The following EBF1 variants were observed in gnomAD, a reference collection of about 807,000 sequenced individuals.
EBF1 encodes transcription factor COE1.
EBF1 carries 10 observed loss-of-function variants against 68.4 expected under a neutral mutation model. The ratio of observed to expected loss-of-function variants is 0.15; its 90% confidence interval spans 0.09 to 0.25. The LOEUF (loss-of-function observed/expected upper bound fraction) is 0.25. Ranked by LOEUF, EBF1 falls within the 10% of genes least tolerant of loss-of-function variation. EBF1 has a pLI of 1.00. For synonymous variants in EBF1, 298 were observed against 299.8 expected, an observed-to-expected ratio of 0.99 and a Z score of 0.06; for missense variants, 509 against 794.4, an observed-to-expected ratio of 0.64 and a Z score of 4.32.
chr5:158,878,637 A>G (rs1488535088), intron 6 of EBF1, among the ~76,000 whole-genome samples: 1 of 107,528 alleles, frequency 9.3e-6, no homozygotes, highest in African/African-American at 3.7e-5. Flanking sequence ...TTCTACTTCT[A>G]GCCAGCCTTT....
intron 6 of EBF1, among the ~76,000 whole-genome samples, chr5:158,840,962 C>T (rs373528757): frequency 1.1e-4 from 16 of 152,168 alleles, no homozygotes; most frequent in Non-Finnish European, 1.8e-4. Flanking sequence ...TGAGCCACCG[C>T]GCCAGGCCCT....
In EBF1 at chr5:158,940,760, ACCGCCCCCCCCCCCCCC is replaced by A. The variant is rs1486387371; in HGVS notation, c.555-100667_555-100651del. ...CTTCTGACTGCACCCCCTTCACCCCACCGCCCCCCCCCCCCCCCCGCAGGTCAAATGGAGGATGGACT... is the reference window on the plus strand; with the variant it reads ...CTTCTGACTGCACCCCCTTCACCCCACCGCAGGTCAAATGGAGGATGGACT... On this transcript the variant is annotated intron_variant, in intron 6 of 15. Transcript: ENST00000313708. Among the ~76,000 whole-genome samples the A allele has an allele frequency of 1.3e-3, 9 of 7,022 alleles. 1 individual carries two copies. Among genetic ancestry groups the A allele is most frequent in the South Asian group, 0.019 (1 of 52 alleles). The allele number at this position is 7,022 out of a possible 152,430, so 4.6% of individuals were successfully genotyped here.
At chr5:159,096,183 G>T in intron 3 of EBF1, 160 bp downstream of exon 3, 1 of 746,938 alleles carries the variant, frequency 1.3e-6, no homozygotes, top group Non-Finnish European at 2.1e-6. Flanking sequence ...AGCCTCCTCA[G>T]GTGAAACCTC....
intron 6 of EBF1, among the ~76,000 whole-genome samples, chr5:159,001,882 TTTCC>T (rs1762610439): frequency 6.6e-6 from 1 of 152,208 alleles, no homozygotes; most frequent in African/African-American, 2.4e-5. Context: ...AATTCTATCA[TTTCC>T]TGAGGCCACC....
At chr5:158,992,745 A>G (rs777974951) in intron 6 of EBF1, among the ~76,000 whole-genome samples, 1 of 151,982 alleles carries the variant, frequency 6.6e-6, no homozygotes, top group Non-Finnish European at 1.5e-5. Context: ...TTTGCATGTA[A>G]CTAAAAATTT....
intron 10 of EBF1, among the ~76,000 whole-genome samples, chr5:158,771,038 T>C (rs1381778654): frequency 2.6e-5 from 4 of 152,092 alleles, no homozygotes; most frequent in African/African-American, 9.7e-5. Context: ...GTGAGGTGAA[T>C]GAATGAAGTA....
At chr5:158,866,673 A>T (rs1795918386) in intron 6 of EBF1, among the ~76,000 whole-genome samples, 1 of 151,684 alleles carries the variant, frequency 6.6e-6, no homozygotes. Flanking sequence ...AATTAATGTA[A>T]CATGTCGGCG....
chr5:158,924,476 C>G (rs1280207338), intron 6 of EBF1, among the ~76,000 whole-genome samples: 3 of 152,184 alleles, frequency 2.0e-5, no homozygotes, highest in Non-Finnish European at 4.4e-5. Context: ...TCTCTCCCCA[C>G]ACCAGCCACA....
At chr5:158,770,281 T>C (rs564216290) in intron 10 of EBF1, among the ~76,000 whole-genome samples, 65 of 152,124 alleles carry the variant, frequency 4.3e-4, no homozygotes, top group Middle Eastern at 6.8e-3. Context: ...TTCCTCTTGA[T>C]TCCTCTCACT....
At chr5:158,923,233 A>T (rs1447999453) in intron 6 of EBF1, among the ~76,000 whole-genome samples, 2 of 152,092 alleles carry the variant, frequency 1.3e-5, no homozygotes, top group African/African-American at 4.8e-5. Flanking sequence ...TGGGGGTAAA[A>T]TTTTTTTAAA....
intron 6 of EBF1, among the ~76,000 whole-genome samples, chr5:158,982,323 G>A (rs1291144000): frequency 6.6e-6 from 1 of 152,138 alleles, no homozygotes; most frequent in East Asian, 1.9e-4. Flanking sequence ...CTCAATCAAA[G>A]GTGCAGATTT....
chr5:158,823,171 C>T lies in EBF1; in HGVS notation c.778+5G>A. 1 of 1,613,868 alleles carries T rather than the reference C, an allele frequency of 6.2e-7. No homozygotes were observed. The highest frequency in any genetic ancestry group is 8.5e-7 in the Non-Finnish European group (1 of 1,179,838). Reference sequence around the variant, plus strand: ...AATGCCAACCAATGAAAATGATTCGCCTACCATGTTCCAGATAAGAGGGCG... The same window carrying T: ...AATGCCAACCAATGAAAATGATTCGTCTACCATGTTCCAGATAAGAGGGCG... On this transcript the variant is annotated splice_donor_5th_base_variant and intron_variant, in intron 8 of 15. Transcript: ENST00000313708.
At chr5:158,706,184 A>T (rs974562439) in intron 15 of EBF1, among the ~76,000 whole-genome samples, 1 of 148,728 alleles carries the variant, frequency 6.7e-6, no homozygotes, top group African/African-American at 2.5e-5. Context: ...GCAGTTGCAC[A>T]GGCACGCTTT....
chr5:158,776,059 G>A (rs535068692), intron 10 of EBF1, among the ~76,000 whole-genome samples: 2 of 152,190 alleles, frequency 1.3e-5, no homozygotes, highest in South Asian at 4.1e-4. Flanking sequence ...CACTAACAAA[G>A]TGCTGACTTT....
chr5:158,935,507 A>T (rs766359476), intron 6 of EBF1, among the ~76,000 whole-genome samples: 4 of 152,216 alleles, frequency 2.6e-5, no homozygotes, highest in Non-Finnish European at 4.4e-5. Context: ...GACTCACTGC[A>T]TGTGCACGCG....
intron 6 of EBF1, among the ~76,000 whole-genome samples, chr5:158,863,817 G>A (rs1795381666): frequency 6.6e-6 from 1 of 151,926 alleles, no homozygotes; most frequent in African/African-American, 2.4e-5. Flanking sequence ...TTTTTCTTTG[G>A]TGTGCTCTAA....
chr5:158,784,318 A>G (rs1777001554), intron 9 of EBF1, among the ~76,000 whole-genome samples: 1 of 152,210 alleles, frequency 6.6e-6, no homozygotes, highest in African/African-American at 2.4e-5. Context: ...ATCTGTTCAT[A>G]TGACTGTTCA....
chr5:158,853,186 G>A (rs1793314673), intron 6 of EBF1, among the ~76,000 whole-genome samples: 1 of 152,140 alleles, frequency 6.6e-6, no homozygotes, highest in African/African-American at 2.4e-5. Context: ...CTTTTTTAGA[G>A]AACAACTTCG....
chr5:158,863,073 A>G (rs920987758), intron 6 of EBF1, among the ~76,000 whole-genome samples: 3 of 152,196 alleles, frequency 2.0e-5, no homozygotes, highest in Non-Finnish European at 2.9e-5. Context: ...AAACCCAGTC[A>G]GCTAAATCTC....
Sources: gnomAD v4.1 joint callset for allele counts (sites outside exome capture counted in the v4.1 genomes callset) on GRCh38, gnomAD v4.1.1 for gene constraint, MANE v1.5 for transcripts, NCBI Gene and HGNC (gene_info 2026-07-23, HGNC 2026-07-21) for gene names.